The following CDK7 variants were observed in gnomAD, a reference collection of about 807,000 sequenced individuals.
CDK7 encodes the protein cyclin dependent kinase 7.
In CDK7, 25 loss-of-function variants were observed where a neutral mutation model predicts 49.1. The ratio of observed to expected loss-of-function variants is 0.51; its 90% CI spans 0.37 to 0.71. CDK7 has a LOEUF of 0.71. Ranked by LOEUF, CDK7 falls within the 30% of genes least tolerant of loss-of-function variation. The pLI is 0.00. For synonymous variants in CDK7, 107 were observed against 140.0 expected (o/e 0.76, Z 1.67); for missense variants, 316 against 411.7 (o/e 0.77, Z 2.01).
intron 10 of CDK7, among the ~76,000 whole-genome samples, chr5:69,273,475 G>A (rs1282320095): frequency 6.6e-6 from 1 of 152,142 alleles, no homozygotes; most frequent in Non-Finnish European, 1.5e-5. Context: ...ATCCAGGTAT[G>A]CATGCTGATC....
At chr5:69,263,394 C>A (rs1750957283) in intron 8 of CDK7, among the ~76,000 whole-genome samples, 1 of 152,142 alleles carries the variant, frequency 6.6e-6, no homozygotes, top group Non-Finnish European at 1.5e-5. Flanking sequence ...GAGAAAAACA[C>A]TAAACTAAAA....
intron 5 of CDK7, 54 bp downstream of exon 5, chr5:69,255,582 C>T: frequency 8.0e-7 from 1 of 1,249,532 alleles, no homozygotes; most frequent in Non-Finnish European, 1.2e-6. Flanking sequence ...CAAACAAGAA[C>T]CTAAATATTT....
At chr5:69,274,391 T>C (rs1343671710) in intron 10 of CDK7, among the ~76,000 whole-genome samples, 2 of 152,136 alleles carry the variant, frequency 1.3e-5, no homozygotes, top group Admixed American at 6.5e-5. Flanking sequence ...TCCCAGCACT[T>C]TGGGAGGTGA....
chr5:69,264,282 G>T (rs1056275237), intron 8 of CDK7, among the ~76,000 whole-genome samples: 1 of 152,090 alleles, frequency 6.6e-6, no homozygotes, highest in African/African-American at 2.4e-5. Context: ...AATAAAATAA[G>T]AGACACTTGA....
At chr5:69,268,349 C>T (rs942042227) in intron 8 of CDK7, among the ~76,000 whole-genome samples, 1 of 152,104 alleles carries the variant, frequency 6.6e-6, no homozygotes, top group Non-Finnish European at 1.5e-5. Context: ...TCTTTTAATT[C>T]CTGAGGCTTA....
intron 7 of CDK7, 72 bp from the exon 8 acceptor site, chr5:69,262,133 C>T (rs1488646858): frequency 1.3e-6 from 2 of 1,582,640 alleles, no homozygotes; most frequent in Non-Finnish European, 1.7e-6. Context: ...AGACAAGGAT[C>T]GTTCATCCCT....
chr5:69,262,395 A>T, intron 8 of CDK7, 91 bp downstream of exon 8: 1 of 1,548,454 alleles, frequency 6.5e-7, no homozygotes, highest in Admixed American at 1.7e-5. Flanking sequence ...TAGGCCAGGC[A>T]TGGTGGCTCA....
rs1751367058 is a variant in CDK7 at position 69,269,272 on chromosome 5, A to G, written c.693A>G (p.Thr231=). ...CAAGAATATTTGAAACTTTGGGCAC[A>G]CCAACTGAGGAACAGTGGCCGGTAA... ...QLTRIFETLG[T]PTEEQWPDMC... The change falls in exon 9 of 12, where the codon ACA becomes ACG. Residue 231 remains threonine, a synonymous_variant. Coordinates refer to ENST00000256443, the MANE Select transcript of CDK7 (RefSeq NM_001799.4). The G allele has an allele frequency of 1.9e-6, 3 of 1,611,040 alleles. No individual in the cohort carries two copies. In the African/African-American group the frequency reaches 4.0e-5, roughly 22 times the overall value.
At chr5:69,255,388 A>G in intron 4 of CDK7, 72 bp from the exon 5 acceptor site, 1 of 798,206 alleles carries the variant, frequency 1.3e-6, no homozygotes, top group Non-Finnish European at 2.0e-6. Flanking sequence ...AAATTTTTAA[A>G]AATTGCCTCA....
chr5:69,239,794 AT>A (rs1262893210), intron 2 of CDK7, among the ~76,000 whole-genome samples: 2 of 151,738 alleles, frequency 1.3e-5, no homozygotes, highest in African/African-American at 4.8e-5. Context: ...TACTTGTAAA[AT>A]TTTTAAAATA....
intron 2 of CDK7, among the ~76,000 whole-genome samples, chr5:69,246,723 G>A (rs1185952151): frequency 6.8e-6 from 1 of 146,482 alleles, no homozygotes; most frequent in African/African-American, 2.6e-5. Context: ...TTTTTTTCAT[G>A]TAGGCAGTTA....
chr5:69,272,888 A>G lies in CDK7; in HGVS notation c.715-4A>G. The stretch of plus-strand genomic sequence containing the variant: ...AAGTTTGAATTACAAAATTATTTTT[A>G]CAGGACATGTGTAGTCTTCCAGATT... On this transcript the variant is annotated splice_polypyrimidine_tract_variant and splice_region_variant and intron_variant, in intron 9 of 11. Coordinates refer to ENST00000256443, the MANE Select transcript of CDK7 (RefSeq NM_001799.4). 6.4e-7 allele frequency: 1 copy of G among 1,550,400 alleles called. No individual in the cohort carries two copies. The highest frequency in any genetic ancestry group is 1.2e-5 in the South Asian group (1 of 80,056).
chr5:69,269,672 A>G (rs940483114), intron 9 of CDK7, among the ~76,000 whole-genome samples: 1 of 152,038 alleles, frequency 6.6e-6, no homozygotes, highest in African/African-American at 2.4e-5. Context: ...TTATATATAT[A>G]AAACCCATTA....
chr5:69,261,961 A>G (rs1750856003), intron 7 of CDK7, among the ~76,000 whole-genome samples: 1 of 152,210 alleles, frequency 6.6e-6, no homozygotes, highest in African/African-American at 2.4e-5. Context: ...AGACTGGAAA[A>G]ATACTGGTAT....
intron 10 of CDK7, 53 bp downstream of exon 10, chr5:69,273,094 T>A: frequency 8.4e-7 from 1 of 1,185,486 alleles, no homozygotes; most frequent in Non-Finnish European, 1.2e-6. Flanking sequence ...ATCTTAACTG[T>A]AGCATTGATA....
intron 2 of CDK7, among the ~76,000 whole-genome samples, chr5:69,247,529 T>C (rs2150194263): frequency 6.6e-6 from 1 of 151,738 alleles, no homozygotes; most frequent in South Asian, 2.1e-4. Context: ...TTTTTATCCA[T>C]TCAGTCACTC....
chr5:69,251,242 C>T (rs1016582297), intron 2 of CDK7, among the ~76,000 whole-genome samples: 4 of 152,062 alleles, frequency 2.6e-5, no homozygotes, highest in Admixed American at 6.5e-5. Context: ...GGACTACAGG[C>T]GTGTGCCACC....
chr5:69,245,826 TTTCTTGGCGTATAG>T (rs1749716662), intron 2 of CDK7, among the ~76,000 whole-genome samples: 1 of 152,212 alleles, frequency 6.6e-6, no homozygotes, highest in African/African-American at 2.4e-5. Flanking sequence ...GGTTTTCCAG[TTTCTTGGCGTATAG>T]TTACTCATAG....
intron 8 of CDK7, among the ~76,000 whole-genome samples, chr5:69,262,792 T>G (rs752277516): frequency 3.9e-5 from 6 of 152,202 alleles, no homozygotes; most frequent in Non-Finnish European, 7.3e-5. Flanking sequence ...AATGTTAATA[T>G]GAAATGAGAA....
Sources: gnomAD v4.1 joint callset for allele counts (sites outside exome capture counted in the v4.1 genomes callset) on GRCh38, gnomAD v4.1.1 for gene constraint, MANE v1.5 for transcripts, NCBI Gene and HGNC (gene_info 2026-07-23, HGNC 2026-07-21) for gene names.